TXNRD3: variants seen among roughly 807,000 people sequenced by gnomAD.
TXNRD3 encodes thioredoxin reductase 3, also known as TXNRD3 neighbor gene protein.
In TXNRD3, 68 loss-of-function variants were observed where a neutral mutation model predicts 78.2. The ratio of observed to expected loss-of-function variants is 0.87; its 90% CI spans 0.72 to 1.06. The LOEUF is 1.06. Ranked by LOEUF, TXNRD3 falls within the 50% of genes least tolerant of loss-of-function variation. The pLI is 0.00. For missense variants in TXNRD3, 751 were observed against 809.5 expected (o/e 0.93, Z 0.88); for synonymous variants, 296 against 300.1 (o/e 0.99, Z 0.14).
intron 10 of TXNRD3, among the ~76,000 whole-genome samples, chr3:126,626,917 C>G (rs1313251392): frequency 6.6e-6 from 1 of 151,870 alleles, no homozygotes; most frequent in African/African-American, 2.4e-5. Context: ...ACAGTGAGAC[C>G]CCAACCGTAA....
rs892690457 is a variant in TXNRD3, at chr3:126,607,391, T to C, written c.*514A>G. Reference sequence around the variant, plus strand: ...CACAGTGTGTACAGCTTCCTGCTAATGCAGACAGCTATCCAAATGCAGCCC... The same window carrying C: ...CACAGTGTGTACAGCTTCCTGCTAACGCAGACAGCTATCCAAATGCAGCCC... On this transcript the variant is annotated 3_prime_UTR_variant, in exon 16 of 16. Transcript: ENST00000524230. 4 of 152,316 alleles carry C rather than the reference T, an allele frequency of 2.6e-5. No homozygotes were observed. Among genetic ancestry groups the C allele is most frequent in the African/African-American group, 9.6e-5 (4 of 41,460 alleles). The allele number at this position is 152,316 out of a possible 1,614,324, so 9.4% of individuals were successfully genotyped here.
Position 126,626,578 on chromosome 3 carries a change from A to G in TXNRD3, c.1290+2801T>C, listed in dbSNP as rs1938583979. 1.3e-5 allele frequency among the ~76,000 whole-genome samples: 2 copies of G among 152,224 alleles called. 1 individual carries two copies. Among genetic ancestry groups the G allele is most frequent in the South Asian group, 4.1e-4 (2 of 4,832 alleles). Reference sequence around the variant, plus strand: ...TAGTCATCAGGGAGATGCAAATTAAAGTTATAAGATACCTCTACACATTCA... The same window carrying G: ...TAGTCATCAGGGAGATGCAAATTAAGGTTATAAGATACCTCTACACATTCA... On this transcript the variant is annotated intron_variant, in intron 10 of 15. Coordinates refer to ENST00000524230, the MANE Select transcript of TXNRD3 (RefSeq NM_052883.3).
Position 126,645,615 on chromosome 3 carries a change from A to G in TXNRD3, c.414+496T>C, listed in dbSNP as rs899718470. 9.2e-5 allele frequency among the ~76,000 whole-genome samples: 14 copies of G among 152,214 alleles called. 1 individual carries two copies. Among genetic ancestry groups the G allele is most frequent in the South Asian group, 2.1e-4 (1 of 4,826 alleles). On this transcript the variant is annotated intron_variant, in intron 3 of 15. Coordinates refer to ENST00000524230, the MANE Select transcript of TXNRD3 (RefSeq NM_052883.3). ...GAGTAGAATTTTAATAAAAGTAAAT[A>G]ACTAATTATAAAATAAGGATCTTAT...
At chr3:126,608,801 T>A (rs1194961971) in intron 14 of TXNRD3, among the ~76,000 whole-genome samples, 168 bp from the exon 15 acceptor site, 2 of 152,164 alleles carry the variant, frequency 1.3e-5, no homozygotes, top group African/African-American at 2.4e-5. Flanking sequence ...ACTGTAAGAA[T>A]CTGTTAAATG....
chr3:126,623,727 G>A (rs1318630009), intron 10 of TXNRD3, among the ~76,000 whole-genome samples: 2 of 151,576 alleles, frequency 1.3e-5, no homozygotes, highest in East Asian at 1.9e-4. Flanking sequence ...AAACTTACAG[G>A]TCACATCCTG....
chr3:126,614,882 A>T (rs991897690), intron 13 of TXNRD3, among the ~76,000 whole-genome samples: 2 of 152,122 alleles, frequency 1.3e-5, no homozygotes, highest in African/African-American at 4.8e-5. Flanking sequence ...CCCAGCAAGA[A>T]ATGATGTAAG....
chr3:126,637,338 T>A (rs1054418250), intron 6 of TXNRD3, among the ~76,000 whole-genome samples: 1 of 152,210 alleles, frequency 6.6e-6, no homozygotes, highest in Non-Finnish European at 1.5e-5. Context: ...TAATTGGATT[T>A]GCCAAACATT....
At chr3:126,634,097 T>C in intron 6 of TXNRD3, 46 bp from the exon 7 acceptor site, 2 of 1,406,952 alleles carry the variant, frequency 1.4e-6, no homozygotes, top group Non-Finnish European at 1.9e-6. Context: ...AATTTTACCT[T>C]TAATGGTAAA....
chr3:126,642,859 GA>G (rs964751964), intron 5 of TXNRD3, among the ~76,000 whole-genome samples: 1 of 152,120 alleles, frequency 6.6e-6, no homozygotes, highest in African/African-American at 2.4e-5. Context: ...CACTTTATGT[GA>G]AAAAAATCTG....
chr3:126,608,761 G>A, intron 14 of TXNRD3, 128 bp from the exon 15 acceptor site: 1 of 1,083,984 alleles, frequency 9.2e-7, no homozygotes, highest in South Asian at 2.0e-5. Flanking sequence ...ATGTCAAAGT[G>A]AGCAGAGAAC....
At chr3:126,619,620 G>GGAGGA (rs1422327233) in intron 12 of TXNRD3, among the ~76,000 whole-genome samples, 5 of 152,150 alleles carry the variant, frequency 3.3e-5, no homozygotes, top group African/African-American at 9.7e-5. Flanking sequence ...CAGCTAAACA[G>GGAGGA]GAGGAGTTAA....
intron 4 of TXNRD3, 59 bp downstream of exon 4, chr3:126,644,238 G>C: frequency 7.0e-7 from 1 of 1,433,154 alleles, no homozygotes; most frequent in Non-Finnish European, 9.4e-7. Flanking sequence ...AGTAGCAGAA[G>C]AAATAGCTAT....
intron 9 of TXNRD3, among the ~76,000 whole-genome samples, 169 bp from the exon 10 acceptor site, chr3:126,629,640 G>A (rs1938665390): frequency 6.6e-6 from 1 of 152,184 alleles, no homozygotes; most frequent in Non-Finnish European, 1.5e-5. Flanking sequence ...AAAGTGGACT[G>A]TCACAGATAT....
At position 126,607,809 on chromosome 3, in the gene TXNRD3, G is replaced by A. The variant is rs1308143450; in HGVS notation, c.*96C>T. 3.9e-6 allele frequency: 4 copies of A among 1,017,404 alleles called. No homozygotes were observed. Among genetic ancestry groups the A allele is most frequent in the Non-Finnish European group, 1.4e-6 (1 of 716,444 alleles). The allele number at this position is 1,017,404 out of a possible 1,614,324, so 63.0% of individuals were successfully genotyped here. On this transcript the variant is annotated 3_prime_UTR_variant, in exon 16 of 16. Transcript: ENST00000524230. ...GCCCTGCACTGGTCCCTGAGTAACA[G>A]AGCAGCTGTCATGAGCACAGGCTCA...
In TXNRD3 at chr3:126,608,511, G is replaced by A. The variant is rs1559769005; in HGVS notation, c.1851C>T (p.Pro617=). 1 of 1,533,938 alleles carries A rather than the reference G, an allele frequency of 6.5e-7. No homozygotes were observed. Among genetic ancestry groups the A allele is most frequent in the African/African-American group, 1.4e-5 (1 of 72,942 alleles). ...TCCTGTTTCCTACCTCCCCACATGT[G>A]GGGTGAATTCCAATGGTGTCATCAA... Residue 617 remains proline, a synonymous_variant, in exon 15 of 16, where the codon CCC becomes CCT. Transcript: ENST00000524230.
chr3:126,642,671 G>A (rs545308906), intron 5 of TXNRD3, among the ~76,000 whole-genome samples: 1 of 152,298 alleles, frequency 6.6e-6, no homozygotes, highest in East Asian at 1.9e-4. Flanking sequence ...ATTATTTCTG[G>A]ACAAGAAAGG....
At chr3:126,633,482 A>G (rs1436250164) in intron 7 of TXNRD3, among the ~76,000 whole-genome samples, 1 of 152,182 alleles carries the variant, frequency 6.6e-6, no homozygotes, top group African/African-American at 2.4e-5. Flanking sequence ...TAAATATTAC[A>G]AAGATAAACT....
At chr3:126,609,716 C>T (rs753272601) in intron 14 of TXNRD3, among the ~76,000 whole-genome samples, 3 of 152,044 alleles carry the variant, frequency 2.0e-5, no homozygotes, top group East Asian at 1.9e-4. Context: ...AGAAGGGTGG[C>T]GTGGGACATA....
chr3:126,631,145 G>C (rs1197111179), intron 8 of TXNRD3, among the ~76,000 whole-genome samples: 2 of 151,634 alleles, frequency 1.3e-5, no homozygotes, highest in East Asian at 1.9e-4. Flanking sequence ...CAGACCACAA[G>C]CAAGATTTTT....
Sources: gnomAD v4.1 joint callset for allele counts (sites outside exome capture counted in the v4.1 genomes callset) on GRCh38, gnomAD v4.1.1 for gene constraint, MANE v1.5 for transcripts, NCBI Gene and HGNC (gene_info 2026-07-23, HGNC 2026-07-21) for gene names.